COLQ: variants seen among roughly 807,000 people sequenced by gnomAD.
COLQ encodes the protein acetylcholinesterase collagenic tail peptide.
A neutral mutation model predicts 69.0 loss-of-function variants in COLQ; 48 were observed. That is an observed-to-expected ratio of 0.70 (90% CI 0.55 to 0.88). COLQ has a LOEUF of 0.88. Among genes scored for constraint, COLQ ranks in the 40% least tolerant of loss-of-function variants. The pLI is 0.00. For synonymous variants in COLQ, 217 were observed against 211.2 expected (o/e 1.03, Z -0.24); for missense variants, 618 against 594.6 (o/e 1.04, Z -0.41).
At chr3:15,466,572 G>A in intron 11 of COLQ, 135 bp from the exon 12 acceptor site, 1 of 703,030 alleles carries the variant, frequency 1.4e-6, no homozygotes, top group Non-Finnish European at 2.5e-6. Flanking sequence ...CAGAGGTCTT[G>A]ACCATCGAGC....
chr3:15,489,575 G>C lies in COLQ; in HGVS notation c.169C>G (p.Pro57Ala). 6.2e-7 allele frequency: 1 copy of C among 1,614,228 alleles called. No individual in the cohort carries two copies. Among genetic ancestry groups the C allele is most frequent in the Non-Finnish European group, 8.5e-7 (1 of 1,180,040 alleles). ...GHKACCLLTPPPPPLFPPPFF... is the reference protein window; with the variant it reads ...GHKACCLLTPAPPPLFPPPFF... ...GGTGGTGGGAACAGTGGTGGTGGAG[G>C]AGGCGTCAGCAGGCAGCATGCTTTG... The change falls in exon 2 of 17, where the codon CCT (proline) becomes GCT (alanine). Residue 57 changes from proline to alanine, a missense_variant. Coordinates refer to ENST00000383788, the MANE Select transcript of COLQ (RefSeq NM_005677.4).
At position 15,478,990 on chromosome 3, in the gene COLQ, C is replaced by G; in HGVS notation, c.380G>C (p.Arg127Pro). The change falls in exon 5 of 17, where the codon CGA becomes CCA. Residue 127 changes from arginine to proline, a missense_variant. Coordinates refer to ENST00000383788, the MANE Select transcript of COLQ (RefSeq NM_005677.4). ...CGCAGACCATACCTTCCTTCCTGGT[C>G]GGCCAAGCTCCCCCTATGGATGGAG... ...GPKGEKGELG[R>P]PGRKGRPGPP... 1 of 1,614,152 alleles carries G rather than the reference C, an allele frequency of 6.2e-7. No individual in the cohort carries two copies. Among genetic ancestry groups the G allele is most frequent in the African/African-American group, 1.3e-5 (1 of 75,040 alleles).
chr3:15,491,920 C>T (rs969860645), intron 1 of COLQ, among the ~76,000 whole-genome samples: 2 of 151,728 alleles, frequency 1.3e-5, no homozygotes, highest in Non-Finnish European at 2.9e-5. Context: ...TAGCTGGGCA[C>T]GGTGGCATGC....
chr3:15,458,398 A>G, intron 12 of COLQ, 73 bp from the exon 13 acceptor site: 1 of 1,557,132 alleles, frequency 6.4e-7, no homozygotes, highest in Non-Finnish European at 8.9e-7. Flanking sequence ...GATGTGAGCG[A>G]CCTTTGCAAC....
At chr3:15,516,958 A>G (rs1353631363) in intron 1 of COLQ, among the ~76,000 whole-genome samples, 1 of 152,162 alleles carries the variant, frequency 6.6e-6, no homozygotes, top group Non-Finnish European at 1.5e-5. Flanking sequence ...CCTGGCCAAC[A>G]TGGCAAAACC....
chr3:15,490,518 T>C (rs2062647991), intron 1 of COLQ, among the ~76,000 whole-genome samples: 1 of 152,252 alleles, frequency 6.6e-6, no homozygotes, highest in African/African-American at 2.4e-5. Context: ...AATCATACAA[T>C]ATGAACTCTT....
intron 1 of COLQ, chr3:15,498,867 G>C (rs758810369): frequency 2.6e-5 from 36 of 1,378,836 alleles, no homozygotes; most frequent in Non-Finnish European, 3.0e-5. Context: ...GCCCAGGGGA[G>C]GATATGAGGT....
chr3:15,451,816 A>G, intron 16 of COLQ, 103 bp from the exon 17 acceptor site: 1 of 981,988 alleles, frequency 1.0e-6, no homozygotes, highest in Non-Finnish European at 1.6e-6. Flanking sequence ...GCTCTACAAG[A>G]ACTTTTTCCC....
intron 10 of COLQ, among the ~76,000 whole-genome samples, chr3:15,471,249 A>G (rs921840714): frequency 6.6e-6 from 1 of 152,228 alleles, no homozygotes; most frequent in African/African-American, 2.4e-5. Context: ...ATATGTTCAC[A>G]TCTTCAATAT....
intron 15 of COLQ, 140 bp from the exon 16 acceptor site, chr3:15,454,071 C>A: frequency 2.9e-6 from 2 of 679,648 alleles, no homozygotes; most frequent in South Asian, 3.2e-5. Context: ...AAGCTTCACA[C>A]TCCTCCAGGG....
chr3:15,505,255 C>T (rs2062892601), intron 1 of COLQ, among the ~76,000 whole-genome samples: 1 of 152,156 alleles, frequency 6.6e-6, no homozygotes, highest in African/African-American at 2.4e-5. Flanking sequence ...CACTGCAAAC[C>T]ATATAAGAAG....
chr3:15,489,166 T>C (rs1290308765), intron 2 of COLQ, among the ~76,000 whole-genome samples: 1 of 152,166 alleles, frequency 6.6e-6, no homozygotes, highest in Non-Finnish European at 1.5e-5. Flanking sequence ...TCATAAACAC[T>C]TGGGGAGAAG....
intron 4 of COLQ, 97 bp downstream of exon 4, chr3:15,479,241 G>T: frequency 7.3e-7 from 1 of 1,362,218 alleles, no homozygotes; most frequent in Non-Finnish European, 1.1e-6. Context: ...GTTAGCACAT[G>T]TTTGGAAATC....
Position 15,473,668 on chromosome 3 carries a change from C to T in COLQ, c.636+332G>A, listed in dbSNP as rs2062328044. 4.6e-5 allele frequency among the ~76,000 whole-genome samples: 7 copies of T among 152,092 alleles called. No homozygotes were observed. The highest frequency in any genetic ancestry group is 4.6e-4 in the Admixed American group (7 of 15,260). ...TGACCGTTGTGGCTCAGATCTGAGT[C>T]CCCTGTGAGAAAGGTTTCTGCATTT... is the stretch of plus-strand genomic sequence containing the variant. On this transcript the variant is annotated intron_variant, in intron 10 of 16. Transcript: ENST00000383788. This position sits in a 1 kb window ranked among gnomAD's most constrained non-coding sequence, Gnocchi z 4.0.
At chr3:15,458,638 G>A (rs896526128) in intron 12 of COLQ, among the ~76,000 whole-genome samples, 2 of 152,184 alleles carry the variant, frequency 1.3e-5, no homozygotes, top group Admixed American at 6.5e-5. Flanking sequence ...CAGGAAAGAC[G>A]AAAGGCTCAT....
intron 4 of COLQ, 33 bp from the exon 5 acceptor site, chr3:15,479,036 G>C: frequency 6.2e-7 from 1 of 1,613,920 alleles, no homozygotes; most frequent in Non-Finnish European, 8.5e-7. Context: ...AGGAGAGGCT[G>C]CTTTGGAAGA....
intron 1 of COLQ, among the ~76,000 whole-genome samples, chr3:15,509,190 A>C (rs6781355): frequency 0.23 from 34,777 of 152,066 alleles, 4,085 homozygotes; most frequent in African/African-American, 0.27. Context: ...TCTCATATTT[A>C]ATCATTTTCC....
chr3:15,521,298 TCTG>T (rs1410341225), intron 1 of COLQ, among the ~76,000 whole-genome samples: 2 of 152,180 alleles, frequency 1.3e-5, no homozygotes, highest in Non-Finnish European at 2.9e-5. Context: ...TCAAAGTGTC[TCTG>T]CTTTGAGCAG....
intron 1 of COLQ, among the ~76,000 whole-genome samples, chr3:15,492,662 G>A (rs957018550): frequency 1.3e-4 from 16 of 127,816 alleles, no homozygotes; most frequent in African/African-American, 4.6e-4. Flanking sequence ...GCGAGACTCC[G>A]TCTCAAAAAA....
Sources: gnomAD v4.1 joint callset for allele counts (sites outside exome capture counted in the v4.1 genomes callset) on GRCh38, gnomAD v4.1.1 for gene constraint, Gnocchi (gnomAD v3.1) non-coding constraint, MANE v1.5 for transcripts, NCBI Gene and HGNC (gene_info 2026-07-23, HGNC 2026-07-21) for gene names.